Variants in MYZAP observed in about 807,000 individuals in gnomAD.
MYZAP encodes GRINL1A complex locus upstream.
MYZAP carries 66 observed loss-of-function variants against 69.4 expected under a neutral mutation model. The ratio of observed to expected loss-of-function variants is 0.95; its 90% CI spans 0.78 to 1.17. The LOEUF is 1.17. Ranked by LOEUF, MYZAP falls within the 50% of genes most tolerant of loss-of-function variation. The probability of loss-of-function intolerance (pLI) is 0.00; values close to 1 mark genes in which losing one functional copy is unlikely to be tolerated. For synonymous variants in MYZAP, 256 were observed against 205.9 expected (o/e 1.24, Z -2.09); for missense variants, 611 against 556.2 (o/e 1.10, Z -0.99).
At chr15:57,600,691 T>C (rs2034353246) in intron 1 of MYZAP, among the ~76,000 whole-genome samples, 1 of 152,240 alleles carries the variant, frequency 6.6e-6, no homozygotes, top group Non-Finnish European at 1.5e-5. Context: ...CTCTGATTCA[T>C]TGACCAAATT....
Position 57,599,687 on chromosome 15 carries a change from T to TCGTAAAATG in MYZAP, c.76-4580_76-4572dup, listed in dbSNP as rs1321280184. The TCGTAAAATG allele has an allele frequency of 1.2e-5, 15 of 1,289,180 alleles. 1 individual carries two copies. The South Asian group carries it at 1.9e-4, about 16-fold the overall frequency. The allele number at this position is 1,289,180 out of a possible 1,614,324, so 79.9% of individuals were successfully genotyped here. ...TTTCAGGAGACCATGGAGATCAGCC[T>TCGTAAAATG]CGTAAAATGCTCGGAGGTAAGGAAT... On this transcript the variant is annotated intron_variant, in intron 1 of 12. Coordinates refer to ENST00000267853, the MANE Select transcript of MYZAP (RefSeq NM_001018100.5).
intron 11 of MYZAP, among the ~76,000 whole-genome samples, chr15:57,664,387 C>T (rs1305463442): frequency 6.6e-6 from 1 of 152,152 alleles, no homozygotes; most frequent in Non-Finnish European, 1.5e-5. Context: ...TAGAGATCTC[C>T]TCTCCTAGGG....
intron 1 of MYZAP, among the ~76,000 whole-genome samples, chr15:57,595,813 C>T (rs374161699): frequency 3.2e-4 from 49 of 152,308 alleles, no homozygotes; most frequent in African/African-American, 1.1e-3. Context: ...CTAGCCTGCC[C>T]TTGCTGATAT....
At chr15:57,630,113 C>T (rs564710306) in intron 6 of MYZAP, among the ~76,000 whole-genome samples, 3 of 152,224 alleles carry the variant, frequency 2.0e-5, no homozygotes, top group African/African-American at 7.2e-5. Context: ...GAATTACAGG[C>T]ACGTGCCACC....
intron 5 of MYZAP, among the ~76,000 whole-genome samples, chr15:57,627,134 G>A (rs1282101314): frequency 6.6e-6 from 1 of 152,042 alleles, no homozygotes; most frequent in African/African-American, 2.4e-5. Context: ...CTACATCTCT[G>A]GTTTTTCTTC....
intron 10 of MYZAP, among the ~76,000 whole-genome samples, chr15:57,653,460 C>T (rs1292422883): frequency 1.3e-5 from 2 of 151,998 alleles, no homozygotes; most frequent in African/African-American, 2.4e-5. Flanking sequence ...ATAAAATAAA[C>T]AATAATGTCA....
chr15:57,616,822 C>CTTTTTTTTTTTTTTTTTTTT lies in MYZAP; in HGVS notation c.163-1205_163-1186dup. ...GAGACTCCATCTAAAAAAAAAAGTG[C>CTTTTTTTTTTTTTTTTTTTT]TTTTTTTTTTTTTTTTTTTTTTTTT... On this transcript the variant is annotated intron_variant, in intron 2 of 12. Transcript: ENST00000267853. Among the ~76,000 whole-genome samples, 140 of 50,060 alleles carry CTTTTTTTTTTTTTTTTTTTT rather than the reference C, an allele frequency of 2.8e-3. 20 individuals are homozygous for CTTTTTTTTTTTTTTTTTTTT. Among genetic ancestry groups the CTTTTTTTTTTTTTTTTTTTT allele is most frequent in the East Asian group, 8.8e-3 (9 of 1,026 alleles). The allele number at this position is 50,060 out of a possible 152,430, so 32.8% of individuals were successfully genotyped here.
chr15:57,666,076 A>G (rs1441921927), intron 11 of MYZAP, among the ~76,000 whole-genome samples: 1 of 152,236 alleles, frequency 6.6e-6, no homozygotes, highest in African/African-American at 2.4e-5. Flanking sequence ...CGAAAGATGG[A>G]CAAATGTTAA....
chr15:57,639,575 G>A, intron 10 of MYZAP, 30 bp downstream of exon 10: 1 of 1,604,888 alleles, frequency 6.2e-7, no homozygotes, highest in Non-Finnish European at 8.5e-7. Flanking sequence ...CACAGGCCTG[G>A]GATTGCTTCC....
At chr15:57,676,305 G>A (rs1400332884) in intron 12 of MYZAP, among the ~76,000 whole-genome samples, 11 of 151,188 alleles carry the variant, frequency 7.3e-5, no homozygotes, top group African/African-American at 2.2e-4. Flanking sequence ...GCGGCATTAG[G>A]TTCTTTCTTT....
chr15:57,631,755 G>A (rs2036519703), intron 6 of MYZAP, among the ~76,000 whole-genome samples: 1 of 152,216 alleles, frequency 6.6e-6, no homozygotes, highest in East Asian at 1.9e-4. Flanking sequence ...TTTGAAGAAT[G>A]CTTCCCTTTT....
rs140202086 is a variant in MYZAP at position 57,661,450 on chromosome 15, A to G, written c.1120A>G (p.Ile374Val). Residue 374 changes from isoleucine to valine, a missense_variant and splice_region_variant, in exon 11 of 13, where the codon ATT becomes GTT. Physicochemically the swap from Ile to Val is conservative, Grantham distance 29. Transcript: ENST00000267853. ...CAATTTTCCATCCCTTTCTTTCTAG[A>G]TTGAATCATTAAAGAAAAAGTTGCA... ...QKKVKQMVEE[I>V]ESLKKKLQQK... The G allele has an allele frequency of 6.2e-7, 1 of 1,606,064 alleles. No individual in the cohort carries two copies. Among genetic ancestry groups the G allele is most frequent in the Non-Finnish European group, 8.5e-7 (1 of 1,176,674 alleles).
chr15:57,628,730 TCA>T (rs1287233711), intron 5 of MYZAP, among the ~76,000 whole-genome samples: 7 of 152,122 alleles, frequency 4.6e-5, no homozygotes, highest in African/African-American at 4.8e-5. Context: ...GTGAGTATTC[TCA>T]GTCACATTGT....
At chr15:57,670,938 A>G (rs1853897126) in intron 11 of MYZAP, among the ~76,000 whole-genome samples, 1 of 152,062 alleles carries the variant, frequency 6.6e-6, no homozygotes. Flanking sequence ...TTGTATCTAT[A>G]TACATTATAA....
intron 10 of MYZAP, chr15:57,647,500 A>C (rs1426946170): frequency 1.0e-6 from 1 of 985,350 alleles, no homozygotes; most frequent in Non-Finnish European, 1.2e-6. Context: ...AAGTTTTAAA[A>C]AAGGAAATAA....
At chr15:57,647,003 G>A (rs1344663055) in intron 10 of MYZAP, 2 of 985,410 alleles carry the variant, frequency 2.0e-6, no homozygotes, top group Non-Finnish European at 2.4e-6. Context: ...TGCAGTCATA[G>A]CAATGGGTGG....
Position 57,665,365 on chromosome 15 carries a change from T to G in MYZAP, c.1203+3832T>G, listed in dbSNP as rs117693667. On this transcript the variant is annotated intron_variant, in intron 11 of 12. Coordinates refer to ENST00000267853, the MANE Select transcript of MYZAP (RefSeq NM_001018100.5). Reference sequence around the variant, plus strand: ...AATTCATAGGAGTTTGGGATTCATATCAAGTCTTAGAGTTTAAGTGTCATA... The same window carrying G: ...AATTCATAGGAGTTTGGGATTCATAGCAAGTCTTAGAGTTTAAGTGTCATA... Among the ~76,000 whole-genome samples, 699 of 152,344 alleles carry G rather than the reference T, an allele frequency of 4.6e-3. 2 individuals are homozygous for G. Among genetic ancestry groups the G allele is most frequent in the Non-Finnish European group, 8.0e-3 (546 of 68,034 alleles).
intron 10 of MYZAP, among the ~76,000 whole-genome samples, chr15:57,650,179 G>A (rs1328102307): frequency 6.6e-6 from 1 of 152,058 alleles, no homozygotes; most frequent in East Asian, 1.9e-4. Flanking sequence ...CGTCGCTTTC[G>A]TCAAGCTGGA....
At chr15:57,609,789 G>A (rs1394580767) in intron 2 of MYZAP, among the ~76,000 whole-genome samples, 4 of 152,226 alleles carry the variant, frequency 2.6e-5, no homozygotes, top group Non-Finnish European at 5.9e-5. Flanking sequence ...ATTGATAAAT[G>A]TAGAATATAA....
Sources: gnomAD v4.1 joint callset for allele counts (sites outside exome capture counted in the v4.1 genomes callset) on GRCh38, gnomAD v4.1.1 for gene constraint, MANE v1.5 for transcripts, NCBI Gene and HGNC (gene_info 2026-07-23, HGNC 2026-07-21) for gene names.